BTNL9: variants seen among roughly 807,000 people sequenced by gnomAD.
BTNL9 encodes the protein butyrophilin-like protein 9.
Under a neutral mutation model 45.8 loss-of-function variants are expected in BTNL9, and 45 were observed. The ratio of observed to expected loss-of-function variants is 0.98; its 90% CI spans 0.77 to 1.26. The LOEUF is 1.26. BTNL9 is among the 50% of genes most tolerant of loss of function. The pLI is 0.00. For synonymous variants in BTNL9, 346 were observed against 330.8 expected, an observed-to-expected ratio of 1.05 and a Z score of -0.50; for missense variants, 784 against 729.7, an observed-to-expected ratio of 1.07 and a Z score of -0.86.
At position 181,055,570 on chromosome 5, in the gene BTNL9, C is replaced by G; in HGVS notation, c.928+117C>G. Reference sequence around the variant, plus strand: ...GGATCACGAGGTCAGGAGATCGAGACCAGCCTGGCTAACACAGTGAAACCC... The same window carrying G: ...GGATCACGAGGTCAGGAGATCGAGAGCAGCCTGGCTAACACAGTGAAACCC... On this transcript the variant is annotated intron_variant, in intron 8 of 10. Coordinates refer to ENST00000327705, the MANE Select transcript of BTNL9 (RefSeq NM_152547.5). This position sits in a 1 kb window ranked among gnomAD's most constrained non-coding sequence, Gnocchi z 4.4. 8.4e-7 allele frequency: 1 copy of G among 1,194,490 alleles called. No homozygotes were observed. The highest frequency in any genetic ancestry group is 1.2e-6 in the Non-Finnish European group (1 of 807,506). The allele number at this position is 1,194,490 out of a possible 1,614,324, so 74.0% of individuals were successfully genotyped here. A position where few individuals can be genotyped will look rare whatever the true frequency, so the allele number is the denominator to read the frequency against.
chr5:181,048,962 G>A (rs1761386816), intron 3 of BTNL9, among the ~76,000 whole-genome samples: 1 of 134,640 alleles, frequency 7.4e-6, no homozygotes, highest in South Asian at 2.4e-4. Flanking sequence ...AATATATTGA[G>A]TAACAAAATT....
At chr5:181,045,779 C>G (rs533376478) in intron 2 of BTNL9, among the ~76,000 whole-genome samples, 181 bp downstream of exon 2, 42 of 139,718 alleles carry the variant, frequency 3.0e-4, no homozygotes, top group African/African-American at 1.1e-3. Flanking sequence ...TAGTGATGTT[C>G]CTCCACCATC....
rs1296631702 is a variant in BTNL9, at chr5:181,042,403, A to G, written c.-24+1971A>G. Among the ~76,000 whole-genome samples the G allele has an allele frequency of 6.6e-6, 1 of 152,210 alleles. No homozygotes were observed. The highest frequency in any genetic ancestry group is 2.4e-5 in the African/African-American group (1 of 41,456). ...ACCAGGAACAACCTGAAATCAATTT[A>G]CACTGTAATCAAAATAGCAGAGGGT... On this transcript the variant is annotated intron_variant, in intron 1 of 10. Coordinates refer to ENST00000327705, the MANE Select transcript of BTNL9 (RefSeq NM_152547.5). The surrounding 1 kb of genome is among the most constrained non-coding windows in gnomAD (Gnocchi z 4.5).
At chr5:181,056,877 G>A (rs1761909422) in intron 9 of BTNL9, 1 of 452,980 alleles carries the variant, frequency 2.2e-6, no homozygotes, top group Non-Finnish European at 4.0e-6. Flanking sequence ...TGAATGCTGA[G>A]AAGATTGAGC....
rs946433147 is a variant in BTNL9, at chr5:181,053,713, G to C, written c.886+212G>C. On this transcript the variant is annotated intron_variant, in intron 6 of 10. Transcript: ENST00000327705. The surrounding 1 kb of genome is among the most constrained non-coding windows in gnomAD (Gnocchi z 6.5). ...GCGGAACGGCTGCATTTTCCACGGA[G>C]GCTAGTGCACAGATGTCAGGGTTGA... 2.6e-6 allele frequency: 4 copies of C among 1,511,954 alleles called. No individual in the cohort carries two copies. In the African/African-American group the frequency reaches 4.2e-5, roughly 16 times the overall value. The allele number at this position is 1,511,954 out of a possible 1,614,324, so 93.7% of individuals were successfully genotyped here.
chr5:181,053,657 G>GA lies in BTNL9; in HGVS notation c.886+158dup. 1 of 1,535,024 alleles carries GA rather than the reference G, an allele frequency of 6.5e-7. No homozygotes were observed. Among genetic ancestry groups the GA allele is most frequent in the Non-Finnish European group, 8.8e-7 (1 of 1,138,580 alleles). ...ATCGGTGACCCCGGTGGGGAAGGGG[G>GA]AAGATCGTTCATATGGACAAAAGCG... is the stretch of plus-strand genomic sequence containing the variant. On this transcript the variant is annotated intron_variant, in intron 6 of 10. Transcript: ENST00000327705. The surrounding 1 kb of genome is among the most constrained non-coding windows in gnomAD (Gnocchi z 6.5).
chr5:181,059,387 G>A lies in BTNL9; in HGVS notation c.1133G>A (p.Arg378Gln), dbSNP rs760856389. Residue 378 changes from arginine to glutamine, a missense_variant, in exon 11 of 11, where the codon CGG (arginine) becomes CAG (glutamine). Physicochemically the swap from Arg to Gln is conservative, Grantham distance 43 (BLOSUM62 1). Coordinates refer to ENST00000327705, the MANE Select transcript of BTNL9 (RefSeq NM_152547.5). The stretch of plus-strand genomic sequence containing the variant: ...CAGACGTGCGCGCTGAGCCTGGAGC[G>A]GTTCTCCGCCGGCCGCCACTACTGG... ...SEQTCALSLE[R>Q]FSAGRHYWEV... 15 of 1,526,878 alleles carry A rather than the reference G, an allele frequency of 9.8e-6. No individual in the cohort carries two copies. Among genetic ancestry groups the A allele is most frequent in the Middle Eastern group, 1.8e-4 (1 of 5,524 alleles). The allele number at this position is 1,526,878 out of a possible 1,614,324, so 94.6% of individuals were successfully genotyped here.
rs1326556720 is a variant in BTNL9, at chr5:181,055,811, C to T, written c.929-178C>T. The T allele has an allele frequency of 3.9e-6, 3 of 773,026 alleles. No individual in the cohort carries two copies. Among genetic ancestry groups the T allele is most frequent in the Non-Finnish European group, 7.0e-6 (3 of 425,708 alleles). 47.9% of individuals were successfully genotyped at this position (773,026 alleles called of 1,614,324 possible). A position where few individuals can be genotyped will look rare whatever the true frequency, so the allele number is the denominator to read the frequency against. ...TTTCTCCTCATTCATCATTTTGCAT[C>T]TGATTCCCCATATATCTTCTTCTCA... On this transcript the variant is annotated intron_variant, in intron 8 of 10. Transcript: ENST00000327705. This position sits in a 1 kb window ranked among gnomAD's most constrained non-coding sequence, Gnocchi z 4.4.
Position 181,050,128 on chromosome 5 carries a change from G to A in BTNL9, c.495G>A (p.Lys165=). 2 of 1,614,044 alleles carry A rather than the reference G, an allele frequency of 1.2e-6. No homozygotes were observed. The highest frequency in any genetic ancestry group is 1.7e-6 in the Non-Finnish European group (2 of 1,180,020). ...SDPHLSLEGF[K]EGGIQLRLRS... ...CTCACCTCTCCCTTGAGGGCTTCAA[G>A]GAAGGAGGCATTCAGCTGAGGCTCA... Residue 165 remains lysine (K), a synonymous_variant, in exon 4 of 11, where the codon AAG becomes AAA. Transcript: ENST00000327705. This position sits in a 1 kb window ranked among gnomAD's most constrained non-coding sequence, Gnocchi z 4.9.
chr5:181,052,535 C>T (rs1761597408), intron 4 of BTNL9, among the ~76,000 whole-genome samples: 2 of 152,196 alleles, frequency 1.3e-5, no homozygotes, highest in Admixed American at 6.5e-5. Flanking sequence ...GAGATAAAAG[C>T]ACCATTTTCT....
intron 10 of BTNL9, 198 bp from the exon 11 acceptor site, chr5:181,059,039 C>A: frequency 2.2e-6 from 1 of 457,464 alleles, no homozygotes; most frequent in Non-Finnish European, 2.9e-6. Flanking sequence ...GATTCCTTGT[C>A]ACTATCAAAC....
Position 181,048,910 on chromosome 5 carries a change from T to A in BTNL9, c.454+639T>A, listed in dbSNP as rs984296313. Among the ~76,000 whole-genome samples the A allele has an allele frequency of 1.6e-3, 225 of 138,486 alleles. 3 individuals are homozygous for A. Among genetic ancestry groups the A allele is most frequent in the African/African-American group, 5.9e-3 (212 of 35,848 alleles). The allele number at this position is 138,486 out of a possible 152,430, so 90.9% of individuals were successfully genotyped here. A position where few individuals can be genotyped will look rare whatever the true frequency, so the allele number is the denominator to read the frequency against. ...CATATATATGATATATAAATATATA[T>A]AATATAAAAATAATATATATTATAT... On this transcript the variant is annotated intron_variant, in intron 3 of 10. Coordinates refer to ENST00000327705, the MANE Select transcript of BTNL9 (RefSeq NM_152547.5).
In BTNL9 at chr5:181,059,469, G is replaced by A. The variant is rs1358658959; in HGVS notation, c.1215G>A (p.Val405=). The A allele has an allele frequency of 1.4e-6, 2 of 1,445,234 alleles. No individual in the cohort carries two copies. Among genetic ancestry groups the A allele is most frequent in the East Asian group, 2.9e-5 (1 of 33,918 alleles). 89.5% of individuals were successfully genotyped at this position (1,445,234 alleles called of 1,614,324 possible). A position where few individuals can be genotyped will look rare whatever the true frequency, so the allele number is the denominator to read the frequency against. The change falls in exon 11 of 11, where the codon GTG becomes GTA. Residue 405 remains valine, a synonymous_variant. Transcript: ENST00000327705. ...TCCTGGGCGCCTGCCTGGCCGCGGTGCCGCGCGCGGGGCCTGCGCGCCTGA... is the reference window on the plus strand; with the variant it reads ...TCCTGGGCGCCTGCCTGGCCGCGGTACCGCGCGCGGGGCCTGCGCGCCTGA... ...RWFLGACLAA[V]PRAGPARLSP...
chr5:181,049,351 C>T (rs1056984268), intron 3 of BTNL9, among the ~76,000 whole-genome samples: 6 of 152,140 alleles, frequency 3.9e-5, no homozygotes, highest in African/African-American at 1.4e-4. Context: ...ATGCTCTATC[C>T]ACCCAATGGA....
rs1423272723 is a variant in BTNL9, at chr5:181,059,946, G to A, written c.*84G>A. On this transcript the variant is annotated 3_prime_UTR_variant, in exon 11 of 11. Transcript: ENST00000327705. ...TTTGCTCTCCTGCTCCGTCTGAAGG[G>A]AGCAGGTGCACCAGCCAAAATGTCA... is the stretch of plus-strand genomic sequence containing the variant. 7.8e-7 allele frequency: 1 copy of A among 1,274,848 alleles called. No individual in the cohort carries two copies. Among genetic ancestry groups the A allele is most frequent in the East Asian group, 2.6e-5 (1 of 39,124 alleles). The allele number at this position is 1,274,848 out of a possible 1,614,324, so 79.0% of individuals were successfully genotyped here. A position where few individuals can be genotyped will look rare whatever the true frequency, so the allele number is the denominator to read the frequency against.
chr5:181,046,983 C>A (rs537591006), intron 2 of BTNL9, among the ~76,000 whole-genome samples: 1 of 152,104 alleles, frequency 6.6e-6, no homozygotes, highest in African/African-American at 2.4e-5. Context: ...ACTCACCCAG[C>A]GGGCAATGAG....
At chr5:181,047,804 T>G (rs1250435557) in intron 2 of BTNL9, 123 bp from the exon 3 acceptor site, 1 of 906,106 alleles carries the variant, frequency 1.1e-6, no homozygotes, top group Non-Finnish European at 1.6e-6. Context: ...AGTTGTCCTG[T>G]AGAGTATCTC....
intron 1 of BTNL9, among the ~76,000 whole-genome samples, chr5:181,043,235 TGTGTGTCTGTGTGTGTGTGCATGG>T (rs1413648652): frequency 2.3e-4 from 8 of 35,520 alleles, no homozygotes; most frequent in Non-Finnish European, 4.3e-4. Context: ...TGTGTCTATG[TGTGTGTCTGTGTGTGTGTGCATGG>T]GTGTGTCTGT....
intron 3 of BTNL9, among the ~76,000 whole-genome samples, chr5:181,049,357 AT>A (rs1309460357): frequency 6.6e-5 from 10 of 152,348 alleles, no homozygotes; most frequent in Admixed American, 6.5e-4. Flanking sequence ...TATCCACCCA[AT>A]GGAGTAATCT....
Sources: gnomAD v4.1 joint callset for allele counts (sites outside exome capture counted in the v4.1 genomes callset) on GRCh38, gnomAD v4.1.1 for gene constraint, Gnocchi (gnomAD v3.1) non-coding constraint, MANE v1.5 for transcripts, NCBI Gene and HGNC (gene_info 2026-07-23, HGNC 2026-07-21) for gene names.